Variants in ACVR2A observed in about 807,000 individuals in gnomAD.
ACVR2A encodes activin A receptor type 2A.
Under a neutral mutation model 61.4 loss-of-function variants are expected in ACVR2A, and 7 were observed. That is an observed-to-expected ratio of 0.11 (90% CI 0.06 to 0.21). The LOEUF is 0.21. ACVR2A is among the 10% of genes least tolerant of loss of function. The pLI is 1.00. For missense variants in ACVR2A, 322 were observed against 621.7 expected (o/e 0.52, Z 5.13); for synonymous variants, 193 against 208.3 (o/e 0.93, Z 0.63).
At chr2:147,845,561 G>T (rs1685290770) in intron 1 of ACVR2A, among the ~76,000 whole-genome samples, 1 of 152,178 alleles carries the variant, frequency 6.6e-6, no homozygotes, top group African/African-American at 2.4e-5. Flanking sequence ...CAAAGGTTGA[G>T]ATCTGAAAGG....
intron 1 of ACVR2A, among the ~76,000 whole-genome samples, chr2:147,891,813 A>T (rs1415369245): frequency 1.2e-4 from 18 of 152,306 alleles, no homozygotes; most frequent in Non-Finnish European, 4.4e-5. Flanking sequence ...GTTTTAAGAT[A>T]ACAGTGGGGG....
intron 1 of ACVR2A, among the ~76,000 whole-genome samples, chr2:147,868,136 C>G (rs138074097): frequency 6.6e-6 from 1 of 152,134 alleles, no homozygotes; most frequent in African/African-American, 2.4e-5. Context: ...CTGGTGGAAT[C>G]GGCGCCCAGT....
At chr2:147,897,557 CAG>C (rs576031143) in intron 2 of ACVR2A, among the ~76,000 whole-genome samples, 71 of 152,196 alleles carry the variant, frequency 4.7e-4, no homozygotes, top group African/African-American at 1.6e-3. Context: ...CCTAGATAAA[CAG>C]ACATTTTGGA....
At chr2:147,894,871 T>A (rs1217197039) in intron 1 of ACVR2A, among the ~76,000 whole-genome samples, 2 of 152,084 alleles carry the variant, frequency 1.3e-5, no homozygotes, top group African/African-American at 4.8e-5. Flanking sequence ...ATACGTGGGC[T>A]TTTTCTTGAG....
chr2:147,854,499 G>A (rs907660094), intron 1 of ACVR2A, among the ~76,000 whole-genome samples: 1 of 152,126 alleles, frequency 6.6e-6, no homozygotes, highest in Non-Finnish European at 1.5e-5. Flanking sequence ...TCAATATTTT[G>A]AATGTGGTAT....
chr2:147,859,303 A>T lies in ACVR2A; in HGVS notation c.55+14096A>T, dbSNP rs1340510710. On this transcript the variant is annotated intron_variant, in intron 1 of 10. Transcript: ENST00000241416. Reference sequence around the variant, plus strand: ...ACCTGCTGGGGTTTGCATCCTAGGAAATACTCTTCTAGGGGCTCCTGTAGG... The same window carrying T: ...ACCTGCTGGGGTTTGCATCCTAGGATATACTCTTCTAGGGGCTCCTGTAGG... Among the ~76,000 whole-genome samples the T allele has an allele frequency of 2.6e-5, 4 of 152,182 alleles. No homozygotes were observed. In the East Asian group the frequency reaches 7.7e-4, roughly 29 times the overall value.
chr2:147,917,070 T>TA (rs1172752522), intron 5 of ACVR2A, among the ~76,000 whole-genome samples: 1 of 151,960 alleles, frequency 6.6e-6, no homozygotes, highest in Non-Finnish European at 1.5e-5. Flanking sequence ...CACAGAAAAG[T>TA]ACGTTTTGAG....
At chr2:147,915,116 A>C (rs1687219103) in intron 4 of ACVR2A, 75 bp from the exon 5 acceptor site, 1 of 1,427,918 alleles carries the variant, frequency 7.0e-7, no homozygotes, top group Non-Finnish European at 9.7e-7. Context: ...CAGTATACTC[A>C]CTTTTTTTCT....
chr2:147,847,096 G>T (rs1317816751), intron 1 of ACVR2A, among the ~76,000 whole-genome samples: 1 of 152,028 alleles, frequency 6.6e-6, no homozygotes, highest in African/African-American at 2.4e-5. Flanking sequence ...ATTATTTTCA[G>T]TGGGCCAGGA....
intron 1 of ACVR2A, among the ~76,000 whole-genome samples, chr2:147,854,238 C>T (rs1034089467): frequency 6.6e-6 from 1 of 152,008 alleles, no homozygotes; most frequent in Non-Finnish European, 1.5e-5. Context: ...TATCGTGGTT[C>T]CTTACAAAGA....
At chr2:147,917,649 C>G (rs1687281278) in intron 6 of ACVR2A, among the ~76,000 whole-genome samples, 1 of 151,896 alleles carries the variant, frequency 6.6e-6, no homozygotes, top group Non-Finnish European at 1.5e-5. Flanking sequence ...CTCATATAAA[C>G]CACCCTTTTG....
In ACVR2A at chr2:147,897,436, C is replaced by T. The variant is rs77903438; in HGVS notation, c.263+928C>T. On this transcript the variant is annotated intron_variant, in intron 2 of 10. Coordinates refer to ENST00000241416, the MANE Select transcript of ACVR2A (RefSeq NM_001616.5). Reference sequence around the variant, plus strand: ...ATACAGTGGTCATGTTATTGACTGCCTGTGATCTTTCTGTATGGAGTCCCA... The same window carrying T: ...ATACAGTGGTCATGTTATTGACTGCTTGTGATCTTTCTGTATGGAGTCCCA... Among the ~76,000 whole-genome samples the T allele has an allele frequency of 9.0e-3, 1,363 of 152,278 alleles. 16 individuals carry two copies. Among genetic ancestry groups the T allele is most frequent in the Middle Eastern group, 0.034 (10 of 294 alleles).
chr2:147,899,126 T>A (rs1686814070), intron 2 of ACVR2A, among the ~76,000 whole-genome samples: 1 of 152,150 alleles, frequency 6.6e-6, no homozygotes, highest in African/African-American at 2.4e-5. Context: ...AATTGCCTCA[T>A]TGACTTTATG....
intron 4 of ACVR2A, among the ~76,000 whole-genome samples, chr2:147,902,364 G>A (rs541645490): frequency 3.3e-5 from 5 of 151,906 alleles, no homozygotes; most frequent in East Asian, 3.9e-4. Flanking sequence ...TATTACTTAC[G>A]CTGTTCTGCC....
At position 147,877,900 on chromosome 2, in the gene ACVR2A, T is replaced by C. The variant is rs566946036; in HGVS notation, c.56-18401T>C. Among the ~76,000 whole-genome samples, 4 of 152,380 alleles carry C rather than the reference T, an allele frequency of 2.6e-5. No individual in the cohort carries two copies. In the East Asian group the frequency reaches 7.7e-4, roughly 29 times the overall value. The stretch of plus-strand genomic sequence containing the variant: ...GTCTTATCTATGTTCTGCTGTAACT[T>C]CGATCCTTGCTTTAAACTTTACATT... On this transcript the variant is annotated intron_variant, in intron 1 of 10. Transcript: ENST00000241416.
At position 147,899,917 on chromosome 2, in the gene ACVR2A, C is replaced by T; in HGVS notation, c.528+19C>T. 1 of 1,610,110 alleles carries T rather than the reference C, an allele frequency of 6.2e-7. No individual in the cohort carries two copies. The highest frequency in any genetic ancestry group is 8.5e-7 in the Non-Finnish European group (1 of 1,177,766). Reference sequence around the variant, plus strand: ...AACTCAAGTAAGTTATTGTCCTGTACTTTGTAGTGTTTTAAATTGTATATT... The same window carrying T: ...AACTCAAGTAAGTTATTGTCCTGTATTTTGTAGTGTTTTAAATTGTATATT... On this transcript the variant is annotated intron_variant, in intron 4 of 10. Transcript: ENST00000241416.
chr2:147,863,791 CTTAAAAACT>C (rs1038551321), intron 1 of ACVR2A, among the ~76,000 whole-genome samples: 23 of 152,132 alleles, frequency 1.5e-4, no homozygotes, highest in African/African-American at 2.4e-5. Context: ...TCCATAGCTG[CTTAAAAACT>C]GAGTAACAGA....
chr2:147,925,942 G>A, intron 9 of ACVR2A, 89 bp from the exon 10 acceptor site: 1 of 1,343,160 alleles, frequency 7.4e-7, no homozygotes. Context: ...GGGAATAGGT[G>A]ACAGAGTATA....
rs201857145 is a variant in ACVR2A, at chr2:147,921,166, T to C, written c.1077+822T>C. Among the ~76,000 whole-genome samples the C allele has an allele frequency of 4.3e-4, 65 of 152,224 alleles. 1 individual carries two copies. The East Asian group carries it at 0.012, about 29-fold the overall frequency. On this transcript the variant is annotated intron_variant, in intron 8 of 10. Coordinates refer to ENST00000241416, the MANE Select transcript of ACVR2A (RefSeq NM_001616.5). ...CTCCTGGCTCAGCTTCCTGAGTAGC[T>C]GGGATTACACACATGCACCACCATG...
Sources: allele counts gnomAD v4.1 joint callset (sites outside exome capture counted in the v4.1 genomes callset), GRCh38; gene constraint gnomAD v4.1.1; transcripts MANE v1.5; gene names NCBI Gene and HGNC (gene_info 2026-07-23, HGNC 2026-07-21).